TRAP1: variants seen among roughly 807,000 people sequenced by gnomAD.
TRAP1 encodes the protein TNF receptor associated protein 1.
In TRAP1, 102 loss-of-function variants were observed where a neutral mutation model predicts 89.1. The ratio of observed to expected loss-of-function variants is 1.15; its 90% CI spans 0.98 to 1.35. TRAP1 has a LOEUF of 1.35. Ranked by LOEUF, TRAP1 falls within the 40% of genes most tolerant of loss-of-function variation. The pLI, the probability that TRAP1 is intolerant of heterozygous loss-of-function variation, is 0.00. For missense variants in TRAP1, 1,256 were observed against 945.3 expected (o/e 1.33, Z -4.31); for synonymous variants, 508 against 388.0 (o/e 1.31, Z -3.64).
chr16:3,666,316 G>A (rs1180536467), intron 11 of TRAP1, among the ~76,000 whole-genome samples, 198 bp from the exon 12 acceptor site: 1 of 152,118 alleles, frequency 6.6e-6, no homozygotes, highest in African/African-American at 2.4e-5. Context: ...CAGCAGGGTG[G>A]AGGGCAGACA....
chr16:3,665,560 CATG>C (rs1379479708), intron 12 of TRAP1: 1 of 184,062 alleles, frequency 5.4e-6, no homozygotes, highest in African/African-American at 2.4e-5. Context: ...ATATCCAGTA[CATG>C]ATGAATAGTC....
intron 1 of TRAP1, among the ~76,000 whole-genome samples, chr16:3,701,247 A>G (rs1458260988): frequency 6.6e-6 from 1 of 152,232 alleles, no homozygotes; most frequent in Non-Finnish European, 1.5e-5. Context: ...TCATCAGGAA[A>G]ATGTAATCAC....
chr16:3,693,380 G>A (rs9889010), intron 1 of TRAP1, among the ~76,000 whole-genome samples: 2,322 of 146,856 alleles, frequency 0.016, 51 homozygotes, highest in African/African-American at 0.052. Flanking sequence ...CACTTTATTC[G>A]TACAGTTAAA....
Position 3,661,996 on chromosome 16 carries a change from A to T in TRAP1, c.1931T>A (p.Ile644Asn), listed in dbSNP as rs747532746. ...RAQLLQPTLEINPRHALIKKL... is the reference protein window; with the variant it reads ...RAQLLQPTLENNPRHALIKKL... The stretch of plus-strand genomic sequence containing the variant: ...AGGAGCGTGGCCTCACCTGGGGTTG[A>T]TCTCCAGCGTGGGCTGCAGGAGCTG... Residue 644 changes from isoleucine (I) to asparagine (N), a missense_variant, in exon 16 of 18, where the codon ATC becomes AAC. Transcript: ENST00000246957. 3.1e-6 allele frequency: 5 copies of T among 1,607,294 alleles called. No homozygotes were observed. Among genetic ancestry groups the T allele is most frequent in the Non-Finnish European group, 4.3e-6 (5 of 1,176,416 alleles).
intron 1 of TRAP1, among the ~76,000 whole-genome samples, chr16:3,699,727 G>A (rs1013495003): frequency 1.3e-5 from 2 of 151,888 alleles, no homozygotes; most frequent in African/African-American, 4.8e-5. Flanking sequence ...GAGTGCAGTG[G>A]TACAGTCATG....
intron 5 of TRAP1, among the ~76,000 whole-genome samples, chr16:3,679,437 G>C (rs1025849670): frequency 3.3e-5 from 5 of 152,120 alleles, no homozygotes; most frequent in African/African-American, 1.2e-4. Context: ...AAGCATACAA[G>C]AAGATGTGTC....
rs150315526 is a variant in TRAP1 at position 3,666,106 on chromosome 16, G to A, written c.1248C>T (p.Asp416=). The A allele has an allele frequency of 4.8e-5, 78 of 1,611,216 alleles. No individual in the cohort carries two copies. The African/African-American group carries it at 9.5e-4, about 20-fold the overall frequency. The stretch of plus-strand genomic sequence containing the variant: ...ATTTGATCAGCCTCTGCTGTAAAAC[G>A]TCCCGGAGTTTCCTACAGAAAAGAA... ...QESALIRKLR[D]VLQQRLIKFF... The change falls in exon 12 of 18, where the codon GAC becomes GAT. Residue 416 remains aspartate, a synonymous_variant. Coordinates refer to ENST00000246957, the MANE Select transcript of TRAP1 (RefSeq NM_016292.3).
At chr16:3,711,449 A>G (rs1432111870) in intron 1 of TRAP1, among the ~76,000 whole-genome samples, 2 of 152,058 alleles carry the variant, frequency 1.3e-5, no homozygotes, top group Admixed American at 1.3e-4. Context: ...AAATACAAAA[A>G]TTAGCCGGGC....
Position 3,674,350 on chromosome 16 carries a change from C to G in TRAP1, c.1033G>C (p.Val345Leu). 6.2e-7 allele frequency: 1 copy of G among 1,613,952 alleles called. No individual in the cohort carries two copies. Among genetic ancestry groups the G allele is most frequent in the African/African-American group, 1.3e-5 (1 of 75,052 alleles). Residue 345 changes from valine to leucine, a missense_variant, in exon 9 of 18, where the codon GTG (valine) becomes CTG (leucine). Transcript: ENST00000246957. ...CCACAGTGCCTCACCATGTCGGGCA[C>G]GTAGAAGATGCTGCGGATGTTGAGC... ...APLNIRSIFY[V>L]PDMKPSMFDV...
rs149252481 is a variant in TRAP1 at position 3,675,394 on chromosome 16, A to C, written c.818T>G (p.Val273Gly). Residue 273 changes from valine to glycine, a missense_variant, in exon 8 of 18, where the codon GTG becomes GGG. Val to Gly is a moderately radical substitution (Grantham distance 109). Transcript: ENST00000246957. The stretch of plus-strand genomic sequence containing the variant: ...GACGAAGTTGCTGTACTTCGTTACC[A>C]CATCTGGAAGGGACAAAAGAAAAAC... ...EFSSEARVRD[V>G]VTKYSNFVSF... is the part of the protein sequence containing the mutation. 30 of 1,613,924 alleles carry C rather than the reference A, an allele frequency of 1.9e-5. 1 individual carries two copies. In the Admixed American group the frequency reaches 2.0e-4, roughly 11 times the overall value.
At chr16:3,662,154 G>A in intron 15 of TRAP1, 22 bp from the exon 16 acceptor site, 1 of 1,596,130 alleles carries the variant, frequency 6.3e-7, no homozygotes, top group Non-Finnish European at 8.6e-7. Context: ...GCCCGGGGTT[G>A]AGGGTGATAG....
chr16:3,713,178 G>A (rs129988), intron 1 of TRAP1, among the ~76,000 whole-genome samples: 8,326 of 152,224 alleles, frequency 0.055, 258 homozygotes, highest in Middle Eastern at 0.092. Flanking sequence ...AACAGCCGGA[G>A]AGCACCAGAA....
chr16:3,688,486 G>T (rs1318927154), intron 3 of TRAP1, among the ~76,000 whole-genome samples: 11 of 151,950 alleles, frequency 7.2e-5, no homozygotes, highest in Non-Finnish European at 2.9e-5. Context: ...TAGGATTTGG[G>T]GGACTTTTTT....
At chr16:3,713,565 T>C (rs956537785) in intron 1 of TRAP1, among the ~76,000 whole-genome samples, 8 of 152,322 alleles carry the variant, frequency 5.3e-5, no homozygotes, top group South Asian at 4.1e-4. Flanking sequence ...AGTCCTATCG[T>C]GGTTGCCTCA....
At chr16:3,701,477 C>T (rs922885273) in intron 1 of TRAP1, among the ~76,000 whole-genome samples, 5 of 149,752 alleles carry the variant, frequency 3.3e-5, no homozygotes, top group Non-Finnish European at 7.4e-5. Context: ...CGCTTGAACC[C>T]GAGGCAGAGG....
intron 1 of TRAP1, among the ~76,000 whole-genome samples, chr16:3,703,937 C>G (rs773792198): frequency 6.7e-6 from 1 of 149,308 alleles, no homozygotes; most frequent in African/African-American, 2.6e-5. Flanking sequence ...ATGGAGTGAA[C>G]GCGGGAGGCG....
At chr16:3,666,895 T>A (rs1261513681) in intron 11 of TRAP1, among the ~76,000 whole-genome samples, 2 of 152,246 alleles carry the variant, frequency 1.3e-5, no homozygotes, top group Non-Finnish European at 2.9e-5. Flanking sequence ...GGGATATTTT[T>A]ATTTTCTTCT....
intron 5 of TRAP1, chr16:3,678,587 C>A (rs2051031999): frequency 6.6e-6 from 1 of 152,290 alleles, no homozygotes; most frequent in Non-Finnish European, 1.5e-5. Flanking sequence ...CCTCAGCCTC[C>A]CGAGTAGCTG....
At chr16:3,702,627 C>G (rs779856657) in intron 1 of TRAP1, among the ~76,000 whole-genome samples, 9 of 151,604 alleles carry the variant, frequency 5.9e-5, no homozygotes, top group Non-Finnish European at 1.3e-4. Flanking sequence ...ACCTGTAGTT[C>G]CAGCTACTTG....
Sources: gnomAD v4.1 joint callset for allele counts (sites outside exome capture counted in the v4.1 genomes callset) on GRCh38, gnomAD v4.1.1 for gene constraint, MANE v1.5 for transcripts, NCBI Gene and HGNC (gene_info 2026-07-23, HGNC 2026-07-21) for gene names.